The following GALNTL6 variants were observed in gnomAD, a reference collection of about 807,000 sequenced individuals.
GALNTL6 encodes polypeptide N-acetylgalactosaminyltransferase like 6, also known as polypeptide N-acetylgalactosaminyltransferase-like 6.
Under a neutral mutation model 73.7 loss-of-function variants are expected in GALNTL6, and 46 were observed. The ratio of observed to expected loss-of-function variants is 0.62; its 90% CI spans 0.49 to 0.80. GALNTL6 has a LOEUF of 0.80. GALNTL6 is among the 30% of genes least tolerant of loss of function. GALNTL6 has a pLI of 0.00. For synonymous variants in GALNTL6, 259 were observed against 263.7 expected (o/e 0.98, Z 0.17); for missense variants, 604 against 755.0 (o/e 0.80, Z 2.34).
chr4:172,077,221 C>T (rs1267846231), intron 2 of GALNTL6, among the ~76,000 whole-genome samples: 1 of 152,072 alleles, frequency 6.6e-6, no homozygotes, highest in Non-Finnish European at 1.5e-5. Flanking sequence ...ATAAAGATAC[C>T]TGAAAATGTG....
In GALNTL6 at chr4:172,618,783, G is replaced by C. The variant is rs944225694; in HGVS notation, c.554-190578G>C. On this transcript the variant is annotated intron_variant, in intron 5 of 12. Coordinates refer to ENST00000506823, the MANE Select transcript of GALNTL6 (RefSeq NM_001034845.3). ...TTTGTTGCAAGGCTGGAGTGCAGTG[G>C]TGCAATCACGGTTCACTGCAATCTC... Among the ~76,000 whole-genome samples, 14 of 152,062 alleles carry C rather than the reference G, an allele frequency of 9.2e-5. 1 individual carries two copies. Among genetic ancestry groups the C allele is most frequent in the Admixed American group, 9.2e-4 (14 of 15,276 alleles).
At chr4:172,086,005 A>G (rs1732022729) in intron 2 of GALNTL6, among the ~76,000 whole-genome samples, 1 of 152,168 alleles carries the variant, frequency 6.6e-6, no homozygotes, top group African/African-American at 2.4e-5. Context: ...CTTTGTTCCC[A>G]AACTCAGATT....
rs181199339 is a variant in GALNTL6 at position 171,854,099 on chromosome 4, T to G, written c.138+39381T>G. 1.1e-3 allele frequency among the ~76,000 whole-genome samples: 172 copies of G among 152,310 alleles called. 1 individual carries two copies. The highest frequency in any genetic ancestry group is 7.7e-4 in the East Asian group (4 of 5,174). On this transcript the variant is annotated intron_variant, in intron 2 of 12. Transcript: ENST00000506823. ...TGAAATATATATACGCATATACTCT[T>G]GCTGGGTTCCCTGAGGGCAGATGTT...
Position 172,984,238 on chromosome 4 carries a change from C to G in GALNTL6, c.1372-24940C>G, listed in dbSNP as rs142735831. Among the ~76,000 whole-genome samples, 6 of 152,266 alleles carry G rather than the reference C, an allele frequency of 3.9e-5. No individual in the cohort carries two copies. The East Asian group carries it at 1.2e-3, about 29-fold the overall frequency. ...TTTATAAGGAAAGAGCTTTAATGGA[C>G]TTACAGTTCCACATGACTGGAGAGG... On this transcript the variant is annotated intron_variant, in intron 10 of 12. Transcript: ENST00000506823.
chr4:173,006,641 C>A (rs1752309572), intron 10 of GALNTL6, among the ~76,000 whole-genome samples: 1 of 152,176 alleles, frequency 6.6e-6, no homozygotes, highest in Admixed American at 6.5e-5. Context: ...GAAATGAGAG[C>A]AAATCAGGTG....
At chr4:172,846,635 T>C (rs1743524196) in intron 7 of GALNTL6, among the ~76,000 whole-genome samples, 3 of 152,200 alleles carry the variant, frequency 2.0e-5, no homozygotes, top group Non-Finnish European at 4.4e-5. Flanking sequence ...TCATGTGGAA[T>C]TGGTAGTCTA....
intron 5 of GALNTL6, among the ~76,000 whole-genome samples, chr4:172,768,197 G>T (rs1361708294): frequency 6.6e-6 from 1 of 152,162 alleles, no homozygotes; most frequent in Non-Finnish European, 1.5e-5. Flanking sequence ...GGAACTCAGT[G>T]CTACCCTTGG....
intron 7 of GALNTL6, among the ~76,000 whole-genome samples, chr4:172,826,336 GGACT>G (rs1435460445): frequency 6.6e-6 from 1 of 152,238 alleles, no homozygotes; most frequent in Non-Finnish European, 1.5e-5. Flanking sequence ...CGGACAGGCA[GGACT>G]GTAGCCCACA....
chr4:172,177,769 G>GTGTATATATA (rs1735061290), intron 2 of GALNTL6, among the ~76,000 whole-genome samples: 25 of 69,982 alleles, frequency 3.6e-4, no homozygotes, highest in South Asian at 5.4e-4. Flanking sequence ...GTATATATAT[G>GTGTATATATA]TACACATATA....
chr4:172,344,026 G>A (rs333408), intron 4 of GALNTL6, among the ~76,000 whole-genome samples: 60,138 of 151,866 alleles, frequency 0.4, 13,324 homozygotes, highest in African/African-American at 0.6. Context: ...AAGAAATGCA[G>A]TAATTACACC....
At chr4:172,980,827 C>A (rs2126431372) in intron 10 of GALNTL6, among the ~76,000 whole-genome samples, 1 of 152,270 alleles carries the variant, frequency 6.6e-6, no homozygotes, top group East Asian at 1.9e-4. Context: ...CAATTCAGTC[C>A]ATTACACCAT....
intron 2 of GALNTL6, among the ~76,000 whole-genome samples, chr4:171,938,605 T>G (rs145175169): frequency 6.6e-6 from 1 of 152,166 alleles, no homozygotes; most frequent in African/African-American, 2.4e-5. Flanking sequence ...CCATTATAAC[T>G]TAATTTTAAA....
chr4:172,716,968 T>A (rs1243808381), intron 5 of GALNTL6, among the ~76,000 whole-genome samples: 5 of 152,198 alleles, frequency 3.3e-5, no homozygotes, highest in Admixed American at 1.3e-4. Context: ...TCTGTTGATA[T>A]AATTGATTAC....
intron 2 of GALNTL6, among the ~76,000 whole-genome samples, chr4:172,108,191 T>C (rs1212881739): frequency 6.6e-6 from 1 of 152,180 alleles, no homozygotes; most frequent in Non-Finnish European, 1.5e-5. Flanking sequence ...ATAAAACATA[T>C]GAGTGTCATT....
chr4:171,829,655 C>T (rs1734914856), intron 2 of GALNTL6, among the ~76,000 whole-genome samples: 1 of 152,068 alleles, frequency 6.6e-6, no homozygotes, highest in Admixed American at 6.6e-5. Context: ...CCCATGTTTG[C>T]ATTAGATACA....
chr4:172,875,600 C>T (rs1056763291), intron 7 of GALNTL6, among the ~76,000 whole-genome samples: 6 of 151,964 alleles, frequency 3.9e-5, no homozygotes, highest in Admixed American at 1.3e-4. Context: ...GATTGTTTAC[C>T]ATCCACCTAC....
chr4:172,267,200 A>G (rs1190570117), intron 3 of GALNTL6, among the ~76,000 whole-genome samples: 1 of 152,134 alleles, frequency 6.6e-6, no homozygotes, highest in African/African-American at 2.4e-5. Context: ...AATATGATTG[A>G]TGGTTACAAA....
intron 8 of GALNTL6, among the ~76,000 whole-genome samples, chr4:172,887,233 A>G (rs1056233512): frequency 5.3e-5 from 8 of 152,190 alleles, no homozygotes; most frequent in African/African-American, 1.9e-4. Context: ...TCAGTCCACC[A>G]TTGATGGGCA....
chr4:171,831,703 T>C (rs1185337815), intron 2 of GALNTL6, among the ~76,000 whole-genome samples: 1 of 151,810 alleles, frequency 6.6e-6, no homozygotes, highest in Non-Finnish European at 1.5e-5. Context: ...TTTTCCTTAA[T>C]GTTACCAGCT....
Sources: allele counts gnomAD v4.1 joint callset (sites outside exome capture counted in the v4.1 genomes callset), GRCh38; gene constraint gnomAD v4.1.1; transcripts MANE v1.5; gene names NCBI Gene and HGNC (gene_info 2026-07-23, HGNC 2026-07-21).